Variants in MCPH1 observed in about 807,000 individuals in gnomAD.
MCPH1 encodes the protein microcephalin.
MCPH1 carries 104 observed loss-of-function variants against 84.5 expected under a neutral mutation model. The ratio of observed to expected loss-of-function variants is 1.23; its 90% CI spans 1.05 to 1.45. MCPH1 has a LOEUF of 1.45. MCPH1 is among the 40% of genes most tolerant of loss of function. The pLI is 0.00. For synonymous variants in MCPH1, 514 were observed against 366.8 expected (o/e 1.40, Z -4.58); for missense variants, 1,498 against 1,005.7 (o/e 1.49, Z -6.62).
intron 12 of MCPH1, chr8:6,616,715 T>G (rs1258541966): frequency 6.6e-6 from 1 of 152,240 alleles, no homozygotes; most frequent in Non-Finnish European, 1.5e-5. Flanking sequence ...ATGAACATTT[T>G]ATGTCACCAT....
intron 12 of MCPH1, among the ~76,000 whole-genome samples, chr8:6,534,839 T>G (rs1449632847): frequency 6.6e-6 from 1 of 152,166 alleles, no homozygotes; most frequent in Non-Finnish European, 1.5e-5. Context: ...AAACTGTAAC[T>G]TTTGTGATTG....
chr8:6,446,310 A>G, intron 8 of MCPH1: 4 of 985,270 alleles, frequency 4.1e-6, no homozygotes, highest in Non-Finnish European at 4.8e-6. Context: ...GTCTTTACCT[A>G]AAGATTAGGT....
chr8:6,547,306 G>A (rs1359776586), intron 12 of MCPH1, among the ~76,000 whole-genome samples: 1 of 152,020 alleles, frequency 6.6e-6, no homozygotes, highest in Non-Finnish European at 1.5e-5. Context: ...ACAGAGACTT[G>A]AATCATTTTC....
At chr8:6,477,045 AAT>A (rs1433326774) in intron 9 of MCPH1, among the ~76,000 whole-genome samples, 2 of 113,176 alleles carry the variant, frequency 1.8e-5, no homozygotes, top group African/African-American at 6.8e-5. Flanking sequence ...GCAAAAAAAA[AAT>A]TAAACATTTT....
At chr8:6,576,999 C>G (rs975304275) in intron 12 of MCPH1, among the ~76,000 whole-genome samples, 6 of 152,164 alleles carry the variant, frequency 3.9e-5, no homozygotes, top group South Asian at 4.1e-4. Flanking sequence ...TCCCTGCTGC[C>G]TGCTGTGAGG....
chr8:6,482,379 T>C (rs1438300480), intron 11 of MCPH1, among the ~76,000 whole-genome samples: 2 of 152,166 alleles, frequency 1.3e-5, no homozygotes, highest in Non-Finnish European at 2.9e-5. Context: ...ATCCACAGTT[T>C]TAGGCATCCC....
At chr8:6,481,377 T>C (rs774797639) in intron 11 of MCPH1, among the ~76,000 whole-genome samples, 2 of 152,228 alleles carry the variant, frequency 1.3e-5, no homozygotes, top group Non-Finnish European at 2.9e-5. Context: ...CTTGTTTCTG[T>C]AGATTAAAGA....
At position 6,446,850 on chromosome 8, in the gene MCPH1, A is replaced by C. The variant is rs901412373; in HGVS notation, c.1825+1303A>C. On this transcript the variant is annotated intron_variant, in intron 8 of 13. Transcript: ENST00000344683. ...TGCTGGGAGTGTGCTAGTCCTCGGA[A>C]GCAGGTGTGTTATGTTCTAGAACAC... 8.1e-6 allele frequency: 8 copies of C among 985,210 alleles called. 1 individual carries two copies. The African/African-American group carries it at 1.4e-4, about 17-fold the overall frequency. The allele number at this position is 985,210 out of a possible 1,614,324, so 61.0% of individuals were successfully genotyped here.
At chr8:6,591,535 C>G (rs916413553) in intron 12 of MCPH1, among the ~76,000 whole-genome samples, 1 of 152,184 alleles carries the variant, frequency 6.6e-6, no homozygotes, top group Non-Finnish European at 1.5e-5. Flanking sequence ...TTTTAAAATA[C>G]CTGAATGTCC....
intron 12 of MCPH1, among the ~76,000 whole-genome samples, chr8:6,521,676 A>T (rs1430413777): frequency 2.0e-5 from 3 of 152,228 alleles, no homozygotes; most frequent in Non-Finnish European, 2.9e-5. Flanking sequence ...CATCTGGTCC[A>T]GGATAGGTGG....
At chr8:6,630,997 G>T (rs576266573) in intron 13 of MCPH1, among the ~76,000 whole-genome samples, 1 of 152,180 alleles carries the variant, frequency 6.6e-6, no homozygotes. Flanking sequence ...GGCAGAAGCT[G>T]TCTGCAGAGA....
chr8:6,480,937 C>A lies in MCPH1; in HGVS notation c.2136+61C>A, dbSNP rs539309806. On this transcript the variant is annotated intron_variant, in intron 11 of 13. Coordinates refer to ENST00000344683, the MANE Select transcript of MCPH1 (RefSeq NM_024596.5). ...AGGCATTTTGATAGAGTGGGTCACC[C>A]TGAGGTGCCGACATCAGCACTCAGG... is the stretch of plus-strand genomic sequence containing the variant. 41 of 1,588,040 alleles carry A rather than the reference C, an allele frequency of 2.6e-5. No homozygotes were observed. In the East Asian group the frequency reaches 8.9e-4, roughly 35 times the overall value.
At chr8:6,503,076 C>G (rs1398258052) in intron 12 of MCPH1, 7 of 1,613,676 alleles carry the variant, frequency 4.3e-6, no homozygotes, top group Admixed American at 1.7e-5. Context: ...TAGTTCGAGA[C>G]AGTTCCTCAG....
At chr8:6,568,944 C>G (rs1302298161) in intron 12 of MCPH1, among the ~76,000 whole-genome samples, 1 of 152,158 alleles carries the variant, frequency 6.6e-6, no homozygotes, top group African/African-American at 2.4e-5. Context: ...AAAAATGAAG[C>G]TGGGACACTA....
At chr8:6,514,688 C>G (rs759315200) in intron 12 of MCPH1, 1 of 1,614,024 alleles carries the variant, frequency 6.2e-7, no homozygotes, top group South Asian at 1.1e-5. Context: ...ACTTTATATT[C>G]TTTCCAAGTC....
intron 12 of MCPH1, among the ~76,000 whole-genome samples, chr8:6,611,508 C>G (rs571478745): frequency 6.6e-6 from 1 of 152,226 alleles, no homozygotes; most frequent in African/African-American, 2.4e-5. Context: ...GCACAGGGCC[C>G]GGGGCCGGGG....
chr8:6,613,942 G>A (rs1830543408), intron 12 of MCPH1, among the ~76,000 whole-genome samples: 1 of 152,112 alleles, frequency 6.6e-6, no homozygotes, highest in African/African-American at 2.4e-5. Context: ...TGGGATTGAA[G>A]TGATCACCAG....
At chr8:6,546,279 A>G (rs1391091669) in intron 12 of MCPH1, among the ~76,000 whole-genome samples, 1 of 152,264 alleles carries the variant, frequency 6.6e-6, no homozygotes, top group African/African-American at 2.4e-5. Flanking sequence ...GCAGTGTTCA[A>G]TGACTGTCAG....
chr8:6,467,594 CT>C (rs542849096), intron 9 of MCPH1, among the ~76,000 whole-genome samples: 1 of 151,148 alleles, frequency 6.6e-6, no homozygotes, highest in Non-Finnish European at 1.5e-5. Context: ...TGGTATAATT[CT>C]TTTTTTTTGT....
Sources: allele counts gnomAD v4.1 joint callset (sites outside exome capture counted in the v4.1 genomes callset), GRCh38; gene constraint gnomAD v4.1.1; transcripts MANE v1.5; gene names NCBI Gene and HGNC (gene_info 2026-07-23, HGNC 2026-07-21).